The following SAMSN1 variants were observed in gnomAD, a reference collection of about 807,000 sequenced individuals.
SAMSN1 encodes SAM domain, SH3 domain and nuclear localization signals 1.
SAMSN1 carries 31 observed loss-of-function variants against 42.0 expected under a neutral mutation model. The ratio of observed to expected loss-of-function variants is 0.74; its 90% CI spans 0.55 to 1.00. The LOEUF is 1.00. Ranked by LOEUF, SAMSN1 falls within the 50% of genes least tolerant of loss-of-function variation. The probability of loss-of-function intolerance (pLI) is 0.00; values close to 1 mark genes in which losing one functional copy is unlikely to be tolerated. For synonymous variants in SAMSN1, 178 were observed against 151.9 expected (o/e 1.17, Z -1.26); for missense variants, 464 against 439.4 (o/e 1.06, Z -0.50).
intron 5 of SAMSN1, among the ~76,000 whole-genome samples, chr21:14,506,460 C>T (rs1987409802): frequency 6.6e-6 from 1 of 152,002 alleles, no homozygotes; most frequent in African/African-American, 2.4e-5. Flanking sequence ...TGGATAAATT[C>T]CTGGAAAGAT....
chr21:14,623,189 T>C (rs1366843835), intron 2 of SAMSN1, among the ~76,000 whole-genome samples: 1 of 152,126 alleles, frequency 6.6e-6, no homozygotes, highest in Non-Finnish European at 1.5e-5. Flanking sequence ...AGACCATCAA[T>C]GCTAGGAAGA....
At chr21:14,625,083 C>G (rs1384142141) in intron 2 of SAMSN1, among the ~76,000 whole-genome samples, 1 of 152,092 alleles carries the variant, frequency 6.6e-6, no homozygotes, top group Non-Finnish European at 1.5e-5. Context: ...AACTGCCCTT[C>G]ATGCTAAAAA....
intron 5 of SAMSN1, 113 bp from the exon 6 acceptor site, chr21:14,500,848 T>C (rs2123689290): frequency 2.4e-6 from 2 of 817,582 alleles, no homozygotes; most frequent in Middle Eastern, 3.4e-4. Context: ...GGTTCAGATA[T>C]AACAGAAACA....
chr21:14,650,881 G>A (rs1983822357), intron 1 of SAMSN1, among the ~76,000 whole-genome samples: 2 of 151,936 alleles, frequency 1.3e-5, no homozygotes, highest in African/African-American at 2.4e-5. Flanking sequence ...AGCATCATTA[G>A]TGGCTACTAT....
At chr21:14,489,099 A>G (rs542288167) in intron 7 of SAMSN1, among the ~76,000 whole-genome samples, 1 of 152,238 alleles carries the variant, frequency 6.6e-6, no homozygotes, top group South Asian at 2.1e-4. Flanking sequence ...ATGCATCCAC[A>G]TTTTCTTTCT....
intron 2 of SAMSN1, among the ~76,000 whole-genome samples, chr21:14,556,879 G>A (rs1980778433): frequency 6.6e-6 from 1 of 152,140 alleles, no homozygotes; most frequent in Non-Finnish European, 1.5e-5. Context: ...AGAAATGAAA[G>A]AAAGATCTGG....
intron 1 of SAMSN1, among the ~76,000 whole-genome samples, chr21:14,533,385 C>T (rs950555770): frequency 2.0e-5 from 3 of 152,104 alleles, no homozygotes; most frequent in African/African-American, 7.2e-5. Context: ...GACTCTTACT[C>T]CAGGAGTTTA....
At chr21:14,638,914 CATT>C (rs956557102) in intron 2 of SAMSN1, among the ~76,000 whole-genome samples, 7 of 152,178 alleles carry the variant, frequency 4.6e-5, no homozygotes, top group Admixed American at 4.6e-4. Flanking sequence ...ATTGGCTCTC[CATT>C]ATTATTAAGA....
upstream of SAMSN1, among the ~76,000 whole-genome samples, chr21:14,550,304 G>C (rs1292458099): frequency 3.9e-5 from 6 of 151,956 alleles, no homozygotes; most frequent in African/African-American, 1.5e-4. Context: ...TTCTCTAAGG[G>C]ACCCAGCCCT....
Sources: allele counts gnomAD v4.1 joint callset (sites outside exome capture counted in the v4.1 genomes callset), GRCh38; gene constraint gnomAD v4.1.1; transcripts MANE v1.5; gene names NCBI Gene and HGNC (gene_info 2026-07-23, HGNC 2026-07-21).